TAF4: variants seen among roughly 807,000 people sequenced by gnomAD.
TAF4 encodes TATA-box binding protein associated factor 4, also known as transcription initiation factor TFIID subunit 4.
Under a neutral mutation model 90.3 loss-of-function variants are expected in TAF4, and 9 were observed. That is an observed-to-expected ratio of 0.10 (90% CI 0.06 to 0.17). TAF4 has a LOEUF of 0.17. Ranked by LOEUF, TAF4 falls within the 10% of genes least tolerant of loss-of-function variation. TAF4 has a pLI of 1.00. For synonymous variants in TAF4, 818 were observed against 638.9 expected (o/e 1.28, Z -4.23); for missense variants, 1,351 against 1,370.7 (o/e 0.99, Z 0.23).
At position 62,065,102 on chromosome 20, in the gene TAF4, C is replaced by T. The variant is rs1443596807; in HGVS notation, c.709G>A (p.Val237Ile). The T allele has an allele frequency of 1.1e-5, 12 of 1,062,280 alleles. No individual in the cohort carries two copies. In the Admixed American group the frequency reaches 1.7e-4, roughly 15 times the overall value. 65.8% of individuals were successfully genotyped at this position (1,062,280 alleles called of 1,614,324 possible). ...CCCACGAAGGGGGGCGTCTGGATGACAGTGCCGGGGGCGGCGGGCTTGGGC... is the reference window on the plus strand; with the variant it reads ...CCCACGAAGGGGGGCGTCTGGATGATAGTGCCGGGGGCGGCGGGCTTGGGC... Reference protein sequence around the residue: ...PLPKPAAPGTVIQTPPFVGAA... With the variant: ...PLPKPAAPGTIIQTPPFVGAA... Residue 237 changes from valine (V) to isoleucine (I), a missense_variant, in exon 1 of 15, where the codon GTC (valine) becomes ATC (isoleucine). Physicochemically the swap from Val to Ile is conservative, Grantham distance 29 (BLOSUM62 3). Transcript: ENST00000252996.
At chr20:62,057,274 A>G (rs1216876425) in intron 1 of TAF4, among the ~76,000 whole-genome samples, 2 of 152,202 alleles carry the variant, frequency 1.3e-5, no homozygotes, top group Admixed American at 1.3e-4. Flanking sequence ...GCGCCCAGAG[A>G]AGGGTTCAGC....
chr20:62,007,541 A>C lies in TAF4; in HGVS notation c.1974+6T>G. On this transcript the variant is annotated splice_donor_region_variant and intron_variant, in intron 6 of 14. Transcript: ENST00000252996. ...TGCTCGCAGGCACCGGGGCCTTTGA[A>C]ATTACCTTCAGGAAAGGCACAAGGT... 1 of 1,613,774 alleles carries C rather than the reference A, an allele frequency of 6.2e-7. No homozygotes were observed. The highest frequency in any genetic ancestry group is 8.5e-7 in the Non-Finnish European group (1 of 1,179,794).
At chr20:61,999,401 G>T (rs865937916) in intron 11 of TAF4, among the ~76,000 whole-genome samples, 1 of 152,056 alleles carries the variant, frequency 6.6e-6, no homozygotes, top group Non-Finnish European at 1.5e-5. Flanking sequence ...TACCTTTTTT[G>T]CTGCAACACA....
At chr20:62,027,833 C>T (rs1354966076) in intron 1 of TAF4, among the ~76,000 whole-genome samples, 2 of 152,260 alleles carry the variant, frequency 1.3e-5, no homozygotes, top group African/African-American at 2.4e-5. Flanking sequence ...GCCCACATCG[C>T]TCCATGCGCA....
chr20:62,018,458 A>G (rs932559891), intron 1 of TAF4, among the ~76,000 whole-genome samples: 1 of 152,250 alleles, frequency 6.6e-6, no homozygotes, highest in Non-Finnish European at 1.5e-5. Context: ...TTTAAGAGTA[A>G]TCAACCGTGG....
chr20:62,065,847 GC>G lies in TAF4; in HGVS notation c.-38del. ...GGCCGCCGCCGCCGCCGCCGCTCGGGCCGAGCGCGCCTGGGCGAGGAGGAGG... is the reference window on the plus strand; with the variant it reads ...GGCCGCCGCCGCCGCCGCCGCTCGGGCGAGCGCGCCTGGGCGAGGAGGAGG... On this transcript the variant is annotated 5_prime_UTR_variant, in exon 1 of 15. Coordinates refer to ENST00000252996, the MANE Select transcript of TAF4 (RefSeq NM_003185.4). 1 of 1,222,402 alleles carries G rather than the reference GC, an allele frequency of 8.2e-7. No homozygotes were observed. Among genetic ancestry groups the G allele is most frequent in the Non-Finnish European group, 1.0e-6 (1 of 957,774 alleles). 75.7% of individuals were successfully genotyped at this position (1,222,402 alleles called of 1,614,324 possible).
At chr20:62,057,017 C>T (rs2056068581) in intron 1 of TAF4, among the ~76,000 whole-genome samples, 1 of 152,224 alleles carries the variant, frequency 6.6e-6, no homozygotes, top group South Asian at 2.1e-4. Flanking sequence ...CCGTGCGTGG[C>T]TCCTATGAAC....
chr20:61,986,030 GGAA>G (rs2055589803), intron 14 of TAF4, among the ~76,000 whole-genome samples: 5 of 128,392 alleles, frequency 3.9e-5, no homozygotes, highest in African/African-American at 1.2e-4. Context: ...CCCCATCAAA[GGAA>G]ACACCATCCC....
chr20:62,034,222 A>G (rs376299678), intron 1 of TAF4, among the ~76,000 whole-genome samples: 22 of 152,326 alleles, frequency 1.4e-4, no homozygotes, highest in African/African-American at 5.1e-4. Flanking sequence ...CCCTCAAAAA[A>G]TTGCAAATTT....
chr20:61,996,607 T>C lies in TAF4; in HGVS notation c.3090+943A>G, dbSNP rs539880964. ...TGAGATCAAGAGATCGAGACCATCCTGGCCAACATGGTGAAACCCCGTCTC... is the reference window on the plus strand; with the variant it reads ...TGAGATCAAGAGATCGAGACCATCCCGGCCAACATGGTGAAACCCCGTCTC... On this transcript the variant is annotated intron_variant, in intron 14 of 14. Transcript: ENST00000252996. Among the ~76,000 whole-genome samples, 17 of 151,818 alleles carry C rather than the reference T, an allele frequency of 1.1e-4. 1 individual carries two copies. The highest frequency in any genetic ancestry group is 3.9e-4 in the African/African-American group (16 of 41,374).
intron 1 of TAF4, among the ~76,000 whole-genome samples, chr20:62,045,927 A>G (rs991481146): frequency 3.3e-5 from 5 of 152,152 alleles, no homozygotes; most frequent in African/African-American, 7.2e-5. Context: ...ATAACGAACA[A>G]ATTTTCCTTC....
chr20:62,015,084 C>A lies in TAF4; in HGVS notation c.1361-377G>T, dbSNP rs537135021. Reference sequence around the variant, plus strand: ...CCACCTCCTGCCTGTGCCAGGGCCACGTCCGCTGGGCTGGGCCTAGAGGGC... The same window carrying A: ...CCACCTCCTGCCTGTGCCAGGGCCAAGTCCGCTGGGCTGGGCCTAGAGGGC... On this transcript the variant is annotated intron_variant, in intron 1 of 14. Transcript: ENST00000252996. 3.3e-5 allele frequency among the ~76,000 whole-genome samples: 5 copies of A among 152,294 alleles called. No individual in the cohort carries two copies. The South Asian group carries it at 1.0e-3, about 32-fold the overall frequency.
Position 62,053,524 on chromosome 20 carries a change from G to A in TAF4, c.1360+10927C>T, listed in dbSNP as rs567954174. Among the ~76,000 whole-genome samples, 11 of 152,334 alleles carry A rather than the reference G, an allele frequency of 7.2e-5. No homozygotes were observed. In the East Asian group the frequency reaches 1.2e-3, roughly 16 times the overall value. On this transcript the variant is annotated intron_variant, in intron 1 of 14. Transcript: ENST00000252996. Reference sequence around the variant, plus strand: ...AAGGTACTCTGGAGAAGGGAGCCACGAGCGACGTTTATGCTGAGAAGCGGC... The same window carrying A: ...AAGGTACTCTGGAGAAGGGAGCCACAAGCGACGTTTATGCTGAGAAGCGGC...
intron 4 of TAF4, 25 bp from the exon 5 acceptor site, chr20:62,009,199 G>C (rs749470799): frequency 1.5e-5 from 24 of 1,585,180 alleles, no homozygotes; most frequent in Non-Finnish European, 2.0e-5. Context: ...AAAGATATAA[G>C]TGAAAAATCT....
intron 1 of TAF4, among the ~76,000 whole-genome samples, chr20:62,032,204 C>A (rs528786140): frequency 1.3e-5 from 2 of 152,318 alleles, no homozygotes; most frequent in South Asian, 4.2e-4. Context: ...GTCAACTCTG[C>A]AAGCAGTCGG....
chr20:61,990,182 G>A (rs2055622536), intron 14 of TAF4, among the ~76,000 whole-genome samples: 2 of 152,134 alleles, frequency 1.3e-5, no homozygotes, highest in South Asian at 2.1e-4. Flanking sequence ...TCAGAACAAG[G>A]ATTAAAGTGT....
intron 1 of TAF4, among the ~76,000 whole-genome samples, chr20:62,050,634 A>G (rs2056021548): frequency 6.6e-6 from 1 of 152,192 alleles, no homozygotes; most frequent in African/African-American, 2.4e-5. Context: ...AACCCAGTGC[A>G]GGCTCCATGA....
intron 14 of TAF4, among the ~76,000 whole-genome samples, chr20:61,987,774 G>A (rs547841041): frequency 6.6e-6 from 1 of 152,346 alleles, no homozygotes; most frequent in African/African-American, 2.4e-5. Flanking sequence ...GCGCACAGAT[G>A]TTTATACCAG....
At chr20:62,047,784 C>G (rs1442278033) in intron 1 of TAF4, among the ~76,000 whole-genome samples, 2 of 152,224 alleles carry the variant, frequency 1.3e-5, no homozygotes, top group Non-Finnish European at 2.9e-5. Flanking sequence ...CCCCTGGCTC[C>G]CATCACAGGA....
Sources: gnomAD v4.1 joint callset for allele counts (sites outside exome capture counted in the v4.1 genomes callset) on GRCh38, gnomAD v4.1.1 for gene constraint, MANE v1.5 for transcripts, NCBI Gene and HGNC (gene_info 2026-07-23, HGNC 2026-07-21) for gene names.